The following ARHGEF10L variants were observed in gnomAD, a reference collection of about 807,000 sequenced individuals.
ARHGEF10L encodes the protein Rho guanine nucleotide exchange factor 10 like.
Under a neutral mutation model 141.2 loss-of-function variants are expected in ARHGEF10L, and 69 were observed. The ratio of observed to expected loss-of-function variants is 0.49; its 90% confidence interval spans 0.40 to 0.60. The LOEUF is 0.60. Among genes scored for constraint, ARHGEF10L ranks in the 20% least tolerant of loss-of-function variants. ARHGEF10L has a pLI of 0.00. For synonymous variants in ARHGEF10L, 711 were observed against 718.5 expected, an observed-to-expected ratio of 0.99 and a Z score of 0.17; for missense variants, 1,482 against 1,734.3, an observed-to-expected ratio of 0.85 and a Z score of 2.58.
chr1:17,645,662 CAG>C (rs937198887), intron 21 of ARHGEF10L, among the ~76,000 whole-genome samples: 3 of 152,186 alleles, frequency 2.0e-5, no homozygotes, highest in African/African-American at 7.2e-5. Context: ...GTCCAAGAGG[CAG>C]CATGGCGAGC....
chr1:17,588,896 GTGT>G, intron 4 of ARHGEF10L, among the ~76,000 whole-genome samples: 2 of 111,802 alleles, frequency 1.8e-5, no homozygotes, highest in African/African-American at 3.4e-5. Flanking sequence ...GTGTGTGTGT[GTGT>G]AGTGGGGGAG....
intron 1 of ARHGEF10L, among the ~76,000 whole-genome samples, chr1:17,560,953 G>A (rs1472074409): frequency 6.6e-6 from 1 of 152,338 alleles, no homozygotes; most frequent in African/African-American, 2.4e-5. Flanking sequence ...GCTGACACGT[G>A]AGCAAGAGTG....
intron 1 of ARHGEF10L, among the ~76,000 whole-genome samples, chr1:17,569,756 G>A (rs1398760906): frequency 6.6e-6 from 1 of 152,242 alleles, no homozygotes; most frequent in Non-Finnish European, 1.5e-5. Context: ...AAAGGCTGGG[G>A]TATGTGCCTG....
At chr1:17,575,984 C>G (rs1199006880) in intron 1 of ARHGEF10L, among the ~76,000 whole-genome samples, 1 of 152,208 alleles carries the variant, frequency 6.6e-6, no homozygotes, top group African/African-American at 2.4e-5. Context: ...CGCTGCCCAG[C>G]TCATCCCAGC....
rs1328938319 is a variant in ARHGEF10L, at chr1:17,639,623, C to T, written c.2172-579C>T. The stretch of plus-strand genomic sequence containing the variant: ...AGGCTTGTGACACTGCCCTGCCCAC[C>T]TCCCAAAGGGCTGGGAAGGCCCCCA... On this transcript the variant is annotated intron_variant, in intron 20 of 28. Transcript: ENST00000361221. The surrounding 1 kb of genome is among the most constrained non-coding windows in gnomAD (Gnocchi z 4.3). The T allele has an allele frequency of 2.7e-6, 1 of 365,186 alleles. No homozygotes were observed. Among genetic ancestry groups the T allele is most frequent in the Non-Finnish European group, 5.4e-6 (1 of 184,458 alleles). 22.6% of individuals were successfully genotyped at this position (365,186 alleles called of 1,614,324 possible). A position where few individuals can be genotyped will look rare whatever the true frequency, so the allele number is the denominator to read the frequency against.
intron 26 of ARHGEF10L, among the ~76,000 whole-genome samples, chr1:17,680,566 A>T (rs1029478512): frequency 1.3e-5 from 2 of 151,954 alleles, no homozygotes; most frequent in African/African-American, 4.8e-5. Flanking sequence ...GTCTCAGCTC[A>T]CCTGGGTTCA....
At chr1:17,662,452 C>T (rs556169223) in intron 25 of ARHGEF10L, among the ~76,000 whole-genome samples, 23 of 152,286 alleles carry the variant, frequency 1.5e-4, no homozygotes, top group Non-Finnish European at 2.1e-4. Flanking sequence ...GTTCTGAGGC[C>T]GAGGACTGCC....
Position 17,697,135 on chromosome 1 carries a change from G to A in ARHGEF10L, c.3595G>A (p.Ala1199Thr), listed in dbSNP as rs201361255. The A allele has an allele frequency of 1.9e-4, 305 of 1,610,928 alleles. 1 individual carries two copies. The East Asian group carries it at 5.0e-3, about 27-fold the overall frequency. ...SMREPAPADG[A>T]ALEHSEEDGS... ...GCGGGAGCCGGCGCCTGCTGATGGC[G>A]CAGCTTTGGAGCACAGCGAGGAGGA... The change falls in exon 29 of 29, where the codon GCA becomes ACA. Residue 1199 changes from alanine to threonine, a missense_variant. Transcript: ENST00000361221. This position sits in a 1 kb window ranked among gnomAD's most constrained non-coding sequence, Gnocchi z 4.8.
At chr1:17,560,971 A>C (rs1557708345) in intron 1 of ARHGEF10L, among the ~76,000 whole-genome samples, 2 of 152,202 alleles carry the variant, frequency 1.3e-5, no homozygotes, top group South Asian at 4.1e-4. Flanking sequence ...GTGAGAACAC[A>C]GGTTTAGGGG....
intron 7 of ARHGEF10L, among the ~76,000 whole-genome samples, chr1:17,608,737 A>C (rs1224597689): frequency 6.6e-6 from 1 of 151,990 alleles, no homozygotes; most frequent in South Asian, 2.1e-4. Context: ...ACAGGCCCTG[A>C]CTGAGCAGAG....
At chr1:17,564,400 T>A (rs533690030) in intron 1 of ARHGEF10L, among the ~76,000 whole-genome samples, 1 of 152,280 alleles carries the variant, frequency 6.6e-6, no homozygotes, top group South Asian at 2.1e-4. Flanking sequence ...CTTGGGCACT[T>A]GATCTGAGTC....
intron 1 of ARHGEF10L, among the ~76,000 whole-genome samples, chr1:17,561,685 C>T (rs554757622): frequency 3.3e-4 from 50 of 152,362 alleles, no homozygotes; most frequent in African/African-American, 1.1e-3. Flanking sequence ...CCTGGCCTGC[C>T]CTGGAGCCAG....
At chr1:17,552,970 G>A (rs973602174) in intron 1 of ARHGEF10L, among the ~76,000 whole-genome samples, 5 of 152,090 alleles carry the variant, frequency 3.3e-5, no homozygotes, top group Admixed American at 6.6e-5. Context: ...GGATCCTGTG[G>A]GGCACTAGCA....
chr1:17,629,238 G>C (rs2060548212), intron 15 of ARHGEF10L, among the ~76,000 whole-genome samples: 2 of 151,324 alleles, frequency 1.3e-5, no homozygotes, highest in African/African-American at 4.9e-5. Context: ...TGATGCCCAG[G>C]CTGGTCTCAA....
chr1:17,688,977 G>C (rs2064846785), intron 27 of ARHGEF10L, among the ~76,000 whole-genome samples: 1 of 152,188 alleles, frequency 6.6e-6, no homozygotes, highest in East Asian at 1.9e-4. Context: ...ACCCTGCCCG[G>C]GCCTGAGGTG....
chr1:17,537,945 C>T (rs1300483697), upstream of ARHGEF10L, among the ~76,000 whole-genome samples: 6 of 151,720 alleles, frequency 4.0e-5, no homozygotes, highest in Non-Finnish European at 7.4e-5. Flanking sequence ...CACCACCATG[C>T]CCGCACCTGT....
chr1:17,612,437 T>C (rs988273475), intron 7 of ARHGEF10L, among the ~76,000 whole-genome samples: 1 of 152,214 alleles, frequency 6.6e-6, no homozygotes, highest in African/African-American at 2.4e-5. Context: ...CATCCATCTA[T>C]TTATCTGTGC....
chr1:17,682,151 A>C (rs1233554170), intron 26 of ARHGEF10L, among the ~76,000 whole-genome samples: 1 of 152,082 alleles, frequency 6.6e-6, no homozygotes, highest in East Asian at 1.9e-4. Context: ...TTCATCTGTG[A>C]GAAGTTCTAG....
Position 17,697,571 on chromosome 1 carries a change from C to A in ARHGEF10L, c.*191C>A. 2.7e-6 allele frequency: 2 copies of A among 748,228 alleles called. No homozygotes were observed. Among genetic ancestry groups the A allele is most frequent in the South Asian group, 3.2e-5 (2 of 62,412 alleles). The allele number at this position is 748,228 out of a possible 1,614,324, so 46.3% of individuals were successfully genotyped here. On this transcript the variant is annotated 3_prime_UTR_variant, in exon 29 of 29. Transcript: ENST00000361221. The surrounding 1 kb of genome is among the most constrained non-coding windows in gnomAD (Gnocchi z 4.8). ...AGTGTTTTGGGGAGGAGTTTTAGGG[C>A]TTGGGGAGAGGGAGGACACATCTGG...
Sources: gnomAD v4.1 joint callset for allele counts (sites outside exome capture counted in the v4.1 genomes callset) on GRCh38, gnomAD v4.1.1 for gene constraint, Gnocchi (gnomAD v3.1) non-coding constraint, MANE v1.5 for transcripts, NCBI Gene and HGNC (gene_info 2026-07-23, HGNC 2026-07-21) for gene names.